Variants in HSD17B12 observed in about 807,000 individuals in gnomAD.
HSD17B12 encodes the protein very-long-chain 3-oxoacyl-CoA reductase.
A neutral mutation model predicts 39.3 loss-of-function variants in HSD17B12; 32 were observed. The observed-to-expected ratio is 0.81, with a 90% CI of 0.61 to 1.09. HSD17B12 has a LOEUF of 1.09. HSD17B12 is among the 50% of genes least tolerant of loss of function. The pLI, the probability that HSD17B12 is intolerant of heterozygous loss-of-function variation, is 0.00. For missense variants in HSD17B12, 342 were observed against 382.9 expected (o/e 0.89, Z 0.89); for synonymous variants, 150 against 146.7 (o/e 1.02, Z -0.16).
the HSD17B12 span, among the ~76,000 whole-genome samples, chr11:43,619,244 A>T: frequency 0.012 from 560 of 45,346 alleles, 10 homozygotes; most frequent in African/African-American, 0.035. Context: ...TATATATATA[A>T]AATATATATA....
At chr11:43,681,508 C>T (rs902764020) in intron 1 of HSD17B12, among the ~76,000 whole-genome samples, 1 of 152,046 alleles carries the variant, frequency 6.6e-6, no homozygotes, top group South Asian at 2.1e-4. Flanking sequence ...GGAATCGTAC[C>T]TCCCCAGTTA....
chr11:43,719,897 A>G (rs2134860968), intron 1 of HSD17B12, among the ~76,000 whole-genome samples: 1 of 152,252 alleles, frequency 6.6e-6, no homozygotes, highest in African/African-American at 2.4e-5. Flanking sequence ...TGGTACTTTT[A>G]GTACGATAGT....
chr11:43,740,787 G>A (rs1950356963), intron 1 of HSD17B12, among the ~76,000 whole-genome samples: 1 of 152,214 alleles, frequency 6.6e-6, no homozygotes, highest in East Asian at 1.9e-4. Flanking sequence ...GCCACTGCTA[G>A]CTGGTAGGGA....
chr11:43,616,963 C>T, the HSD17B12 span, among the ~76,000 whole-genome samples: 1 of 146,180 alleles, frequency 6.8e-6, no homozygotes, highest in African/African-American at 2.5e-5. Flanking sequence ...CAGAACAAGA[C>T]TCTATCTCAA....
intron 1 of HSD17B12, chr11:43,718,553 C>G: frequency 2.4e-6 from 1 of 418,388 alleles, no homozygotes; most frequent in Non-Finnish European, 4.3e-6. Flanking sequence ...TAGATGCTCT[C>G]ATTTAAAAAG....
chr11:43,680,753 A>C lies in HSD17B12; in HGVS notation c.-75A>C. 1.5e-6 allele frequency: 2 copies of C among 1,371,748 alleles called. No homozygotes were observed. The highest frequency in any genetic ancestry group is 2.1e-6 in the Non-Finnish European group (2 of 961,650). 85.0% of individuals were successfully genotyped at this position (1,371,748 alleles called of 1,614,324 possible). A position where few individuals can be genotyped will look rare whatever the true frequency, so the allele number is the denominator to read the frequency against. Reference sequence around the variant, plus strand: ...GCCTATTAGTGTCATCCTCACCGTCACGGCCGGCGCCTCCTCCTGGATTCA... The same window carrying C: ...GCCTATTAGTGTCATCCTCACCGTCCCGGCCGGCGCCTCCTCCTGGATTCA... On this transcript the variant is annotated 5_prime_UTR_variant, in exon 1 of 11. Transcript: ENST00000278353.
chr11:43,839,446 G>A (rs1265551274), intron 8 of HSD17B12, among the ~76,000 whole-genome samples: 6 of 152,068 alleles, frequency 3.9e-5, no homozygotes, highest in Admixed American at 6.6e-5. Flanking sequence ...CTGAGGTTGC[G>A]TCCACATTTG....
intron 1 of HSD17B12, among the ~76,000 whole-genome samples, chr11:43,689,207 G>C (rs1254114588): frequency 6.6e-6 from 1 of 152,174 alleles, no homozygotes; most frequent in African/African-American, 2.4e-5. Flanking sequence ...AATTACATTT[G>C]TAAAAACCTT....
intron 3 of HSD17B12, among the ~76,000 whole-genome samples, chr11:43,768,223 C>A (rs1197068316): frequency 6.6e-6 from 1 of 152,200 alleles, no homozygotes; most frequent in Non-Finnish European, 1.5e-5. Flanking sequence ...AATTACATCA[C>A]ATCAACAGAT....
intron 4 of HSD17B12, among the ~76,000 whole-genome samples, chr11:43,810,725 A>T (rs944989869): frequency 4.6e-5 from 7 of 152,194 alleles, no homozygotes; most frequent in Admixed American, 1.3e-4. Flanking sequence ...CCAGCACCCT[A>T]CAGTGACTGG....
At chr11:43,750,106 T>C (rs1459696196) in intron 1 of HSD17B12, among the ~76,000 whole-genome samples, 1 of 152,148 alleles carries the variant, frequency 6.6e-6, no homozygotes. Context: ...TATGAAGATA[T>C]ATACAGTAAG....
At chr11:43,594,201 A>G in the HSD17B12 span, among the ~76,000 whole-genome samples, 3 of 152,160 alleles carry the variant, frequency 2.0e-5, no homozygotes, top group African/African-American at 4.8e-5. Flanking sequence ...TCCTTGAAAT[A>G]GTAGTAATCA....
the HSD17B12 span, among the ~76,000 whole-genome samples, chr11:43,661,165 A>G: frequency 6.6e-6 from 1 of 152,176 alleles, no homozygotes; most frequent in Non-Finnish European, 1.5e-5. Context: ...AATACACACC[A>G]CAGCTTAATC....
the HSD17B12 span, among the ~76,000 whole-genome samples, chr11:43,580,078 G>GGA: frequency 7.5e-6 from 1 of 132,924 alleles, no homozygotes; most frequent in Non-Finnish European, 1.7e-5. Context: ...GGGGGGGGGA[G>GGA]GGGCAGGAGA....
intron 4 of HSD17B12, among the ~76,000 whole-genome samples, chr11:43,809,746 G>A (rs1000094318): frequency 6.6e-5 from 10 of 152,142 alleles, no homozygotes; most frequent in African/African-American, 2.4e-4. Context: ...CTTGAACCCA[G>A]GAGACGGATT....
At chr11:43,775,853 G>A (rs1590289562) in intron 3 of HSD17B12, among the ~76,000 whole-genome samples, 1 of 148,724 alleles carries the variant, frequency 6.7e-6, no homozygotes, top group Admixed American at 6.8e-5. Context: ...GTGAGAATAT[G>A]CGGTGTTTGG....
intron 1 of HSD17B12, among the ~76,000 whole-genome samples, chr11:43,699,586 G>GT (rs1233084889): frequency 6.6e-6 from 1 of 151,762 alleles, no homozygotes; most frequent in Admixed American, 6.6e-5. Flanking sequence ...ATTACTTTTT[G>GT]TTTTTTTCAA....
intron 4 of HSD17B12, among the ~76,000 whole-genome samples, chr11:43,810,367 T>TTTTATATA (rs1181869252): frequency 1.8e-4 from 11 of 59,662 alleles, no homozygotes; most frequent in African/African-American, 6.5e-4. Context: ...AATTTAGAAA[T>TTTTATATA]TATATATATA....
chr11:43,627,529 CTT>C, the HSD17B12 span, among the ~76,000 whole-genome samples: 1 of 151,906 alleles, frequency 6.6e-6, no homozygotes, highest in Non-Finnish European at 1.5e-5. Context: ...ATTCTAGTCT[CTT>C]AAAGTAGTTG....
Sources: gnomAD v4.1 joint callset for allele counts (sites outside exome capture counted in the v4.1 genomes callset) on GRCh38, gnomAD v4.1.1 for gene constraint, MANE v1.5 for transcripts, NCBI Gene and HGNC (gene_info 2026-07-23, HGNC 2026-07-21) for gene names.